Variants in SLIT1 observed in about 807,000 individuals in gnomAD.
SLIT1 encodes slit guidance ligand 1, also known as slit homolog 1 protein.
A neutral mutation model predicts 186.1 loss-of-function variants in SLIT1; 66 were observed. The observed-to-expected ratio is 0.35, with a 90% CI of 0.29 to 0.44. SLIT1 has a LOEUF of 0.44. Among genes scored for constraint, SLIT1 ranks in the 20% least tolerant of loss-of-function variants. The probability of loss-of-function intolerance (pLI) is 1.00; values close to 1 mark genes in which losing one functional copy is unlikely to be tolerated. For missense variants in SLIT1, 1,638 were observed against 2,037.4 expected, an observed-to-expected ratio of 0.80 and a Z score of 3.77; for synonymous variants, 761 against 833.8, an observed-to-expected ratio of 0.91 and a Z score of 1.50.
chr10:97,059,578 C>T (rs757477542), intron 10 of SLIT1, 47 bp from the exon 11 acceptor site: 1 of 1,444,614 alleles, frequency 6.9e-7, no homozygotes, highest in South Asian at 1.1e-5. Context: ...CCCTCAACAG[C>T]CACTAAGCCC....
At chr10:97,090,674 C>A (rs1413570971) in intron 4 of SLIT1, among the ~76,000 whole-genome samples, 1 of 152,190 alleles carries the variant, frequency 6.6e-6, no homozygotes. Flanking sequence ...GGACACTGAG[C>A]GCTGCCACAG....
intron 4 of SLIT1, among the ~76,000 whole-genome samples, chr10:97,105,006 C>A (rs886130223): frequency 6.6e-6 from 1 of 152,150 alleles, no homozygotes; most frequent in African/African-American, 2.4e-5. Context: ...CTGAGTAGGC[C>A]ACTTTTAAAT....
chr10:97,116,228 G>A (rs983056782), intron 4 of SLIT1, among the ~76,000 whole-genome samples: 1 of 152,146 alleles, frequency 6.6e-6, no homozygotes, highest in Non-Finnish European at 1.5e-5. Context: ...GGAGGAGGAG[G>A]CAGCAGTAGG....
intron 4 of SLIT1, among the ~76,000 whole-genome samples, chr10:97,067,789 G>A (rs547092926): frequency 7.9e-5 from 12 of 152,174 alleles, no homozygotes; most frequent in African/African-American, 2.9e-4. Context: ...ATAGGCCCCA[G>A]TGCCAGGCAG....
chr10:97,154,594 C>G (rs953019408), intron 4 of SLIT1: 1 of 152,226 alleles, frequency 6.6e-6, no homozygotes, highest in Non-Finnish European at 1.5e-5. Flanking sequence ...GAAACACCCC[C>G]CCAAAGGGCT....
At chr10:97,095,731 G>T (rs1359829183) in intron 4 of SLIT1, among the ~76,000 whole-genome samples, 3 of 152,180 alleles carry the variant, frequency 2.0e-5, no homozygotes, top group Admixed American at 1.3e-4. Context: ...ATGGAAAAAT[G>T]CTCCAGACCC....
In SLIT1 at chr10:97,068,481, C is replaced by T. The variant is rs569455839; in HGVS notation, c.414-2395G>A. Among the ~76,000 whole-genome samples the T allele has an allele frequency of 2.6e-5, 4 of 152,284 alleles. No individual in the cohort carries two copies. The highest frequency in any genetic ancestry group is 6.5e-5 in the Admixed American group (1 of 15,308). On this transcript the variant is annotated intron_variant, in intron 4 of 36. Coordinates refer to ENST00000266058, the MANE Select transcript of SLIT1 (RefSeq NM_003061.3). The surrounding 1 kb of genome is among the most constrained non-coding windows in gnomAD (Gnocchi z 4.2). The stretch of plus-strand genomic sequence containing the variant: ...GCCTTTAGAAAAGCAGCCAGGCACC[C>T]GTGTCTGAAGGGGCCTTGGCACCAT...
At chr10:97,129,150 C>G (rs950585843) in intron 4 of SLIT1, among the ~76,000 whole-genome samples, 1 of 152,044 alleles carries the variant, frequency 6.6e-6, no homozygotes, top group East Asian at 1.9e-4. Context: ...GTCTGTTATC[C>G]CAACACTTTG....
In SLIT1 at chr10:97,002,189, G is replaced by A. The variant is rs571587258; in HGVS notation, c.4335C>T (p.Asp1445=). Residue 1445 remains aspartate (D), a synonymous_variant, in exon 36 of 37, where the codon GAC becomes GAT. Coordinates refer to ENST00000266058, the MANE Select transcript of SLIT1 (RefSeq NM_003061.3). ...CACACAGCTCGCCCGAAAAGCCGGG[G>A]TCACACACACAGTGTGCCCCCTTGG... The part of the protein sequence containing the change: ...SGTKGAHCVC[D]PGFSGELCEQ... The A allele has an allele frequency of 3.9e-6, 6 of 1,524,048 alleles. No homozygotes were observed. In the African/African-American group the frequency reaches 6.9e-5, roughly 18 times the overall value. 94.4% of individuals were successfully genotyped at this position (1,524,048 alleles called of 1,614,324 possible). A position where few individuals can be genotyped will look rare whatever the true frequency, so the allele number is the denominator to read the frequency against.
intron 14 of SLIT1, among the ~76,000 whole-genome samples, chr10:97,048,393 G>T (rs1214493330): frequency 6.6e-6 from 1 of 152,198 alleles, no homozygotes; most frequent in African/African-American, 2.4e-5. Context: ...GGCTGTTTCT[G>T]CATCCCAAAG....
chr10:97,185,577 G>T lies in SLIT1; in HGVS notation c.98C>A (p.Ala33Glu). 3.1e-6 allele frequency: 5 copies of T among 1,606,360 alleles called. No homozygotes were observed. The highest frequency in any genetic ancestry group is 3.6e-4 in the Middle Eastern group (2 of 5,530). The stretch of plus-strand genomic sequence containing the variant: ...GGTGCAGGTGCAGAGGGCGGGGCAC[G>T]CCGAGGCACCCAGGCGCCACGCGGC... ...WAAAWRLGASACPALCTCTGT... is the reference protein window; with the variant it reads ...WAAAWRLGASECPALCTCTGT... Residue 33 changes from alanine to glutamate, a missense_variant, in exon 1 of 37, where the codon GCG becomes GAG. Transcript: ENST00000266058.
chr10:97,162,783 C>G (rs1850046937), intron 3 of SLIT1, among the ~76,000 whole-genome samples: 2 of 152,148 alleles, frequency 1.3e-5, no homozygotes, highest in South Asian at 4.1e-4. Flanking sequence ...CGGCGACCAC[C>G]GTGAACATGA....
At chr10:97,005,261 T>C (rs1848349902) in intron 32 of SLIT1, among the ~76,000 whole-genome samples, 2 of 152,082 alleles carry the variant, frequency 1.3e-5, no homozygotes, top group Admixed American at 1.3e-4. Context: ...ACAGCCAGAG[T>C]CATCCAAGCC....
chr10:97,048,124 CCT>C (rs1848751627), intron 14 of SLIT1, 128 bp from the exon 15 acceptor site: 1 of 997,874 alleles, frequency 1.0e-6, no homozygotes. Flanking sequence ...CTGCCCAGTC[CCT>C]GTGTGCAGAA....
chr10:97,113,093 G>T lies in SLIT1; in HGVS notation c.413+44725C>A, dbSNP rs1849479371. On this transcript the variant is annotated intron_variant, in intron 4 of 36. Transcript: ENST00000266058. ...TTGGAAAGCAATATCAAATTTAGTG[G>T]TCATTTTTGTGTCCCTGATCATTTT... Among the ~76,000 whole-genome samples, 4 of 152,120 alleles carry T rather than the reference G, an allele frequency of 2.6e-5. No individual in the cohort carries two copies. In the South Asian group the frequency reaches 8.3e-4, roughly 32 times the overall value.
intron 4 of SLIT1, among the ~76,000 whole-genome samples, chr10:97,084,924 CTTT>C (rs34001660): frequency 4.8e-5 from 6 of 126,154 alleles, no homozygotes; most frequent in Non-Finnish European, 3.2e-5. Context: ...CTTTTCTTTC[CTTT>C]TTTTTTTTTT....
intron 4 of SLIT1, among the ~76,000 whole-genome samples, chr10:97,115,236 G>A (rs985981523): frequency 2.0e-5 from 3 of 152,100 alleles, no homozygotes; most frequent in Admixed American, 6.5e-5. Flanking sequence ...GCTTGACCTC[G>A]CCCAGGGCCA....
At chr10:97,002,620 G>T in intron 35 of SLIT1, 84 bp downstream of exon 35, 5 of 1,304,284 alleles carry the variant, frequency 3.8e-6, no homozygotes, top group East Asian at 2.4e-5. Flanking sequence ...TTCTAATATG[G>T]GTTGGAAAAC....
In SLIT1 at chr10:97,087,966, G is replaced by A. The variant is rs1008120146; in HGVS notation, c.414-21880C>T. ...AAATGCAGAATCGCACCCAGCCCCC[G>A]AGACCTGCTGCATCAGAATCTGCCT... On this transcript the variant is annotated intron_variant, in intron 4 of 36. Coordinates refer to ENST00000266058, the MANE Select transcript of SLIT1 (RefSeq NM_003061.3). Among the ~76,000 whole-genome samples the A allele has an allele frequency of 1.4e-4, 22 of 152,100 alleles. 1 individual carries two copies. The highest frequency in any genetic ancestry group is 1.2e-3 in the Admixed American group (19 of 15,270).
Sources: gnomAD v4.1 joint callset for allele counts (sites outside exome capture counted in the v4.1 genomes callset) on GRCh38, gnomAD v4.1.1 for gene constraint, Gnocchi (gnomAD v3.1) non-coding constraint, MANE v1.5 for transcripts, NCBI Gene and HGNC (gene_info 2026-07-23, HGNC 2026-07-21) for gene names.